Variants in RDM1 observed in about 807,000 individuals in gnomAD.
The protein encoded by RDM1 is RAD52 motif-containing protein 1.
In RDM1, 28 loss-of-function variants were observed where a neutral mutation model predicts 27.7. The ratio of observed to expected loss-of-function variants is 1.01; its 90% confidence interval spans 0.75 to 1.39. The LOEUF (loss-of-function observed/expected upper bound fraction) is 1.39. RDM1 is among the 40% of genes most tolerant of loss of function. The pLI, the probability that RDM1 is intolerant of heterozygous loss-of-function variation, is 0.00. For missense variants in RDM1, 277 were observed against 337.3 expected, an observed-to-expected ratio of 0.82 and a Z score of 1.40; for synonymous variants, 124 against 127.5, an observed-to-expected ratio of 0.97 and a Z score of 0.19.
At chr17:35,928,049 G>A (rs961931558) in intron 2 of RDM1, among the ~76,000 whole-genome samples, 4 of 152,202 alleles carry the variant, frequency 2.6e-5, no homozygotes, top group Non-Finnish European at 5.9e-5. Context: ...AGTGGGAGTA[G>A]TATACCTGGA....
Position 35,922,583 on chromosome 17 carries a change from C to A in RDM1, c.661G>T (p.Val221Phe), listed in dbSNP as rs1329001409. 6.2e-7 allele frequency: 1 copy of A among 1,611,394 alleles called. No individual in the cohort carries two copies. The highest frequency in any genetic ancestry group is 1.1e-5 in the South Asian group (1 of 90,822). ...SDAFQKLLIV[V>F]LESGKIAVEY... The stretch of plus-strand genomic sequence containing the variant: ...ATGATCAAGACAGTCTTACCTAGAA[C>A]AACAATCAACAGTTTCTGGAATGCA... The change falls in exon 5 of 7, where the codon GTT becomes TTT. Residue 221 changes from valine to phenylalanine, a missense_variant. Val to Phe is a conservative substitution (Grantham distance 50). Transcript: ENST00000620284.
At position 35,918,138 on chromosome 17, in the gene RDM1, A is replaced by C; in HGVS notation, c.*204T>G. On this transcript the variant is annotated 3_prime_UTR_variant, in exon 7 of 7. Coordinates refer to ENST00000620284, the MANE Select transcript of RDM1 (RefSeq NM_145654.4). ...AGATCCGCTCCTCGTCACCAGGGCG[A>C]TCTTATCCCACAATCCTACCCAAGC... The C allele has an allele frequency of 3.4e-6, 2 of 594,698 alleles. No individual in the cohort carries two copies. Among genetic ancestry groups the C allele is most frequent in the Admixed American group, 5.9e-5 (2 of 34,116 alleles). The allele number at this position is 594,698 out of a possible 1,614,324, so 36.8% of individuals were successfully genotyped here. A position where few individuals can be genotyped will look rare whatever the true frequency, so the allele number is the denominator to read the frequency against.
At chr17:35,929,487 G>GC (rs1452071985) in intron 2 of RDM1, among the ~76,000 whole-genome samples, 1 of 152,152 alleles carries the variant, frequency 6.6e-6, no homozygotes, top group East Asian at 1.9e-4. Flanking sequence ...TGTCACCCAG[G>GC]CTAGAGTGCA....
chr17:35,925,877 G>C (rs2089130062), intron 2 of RDM1, among the ~76,000 whole-genome samples: 1 of 152,142 alleles, frequency 6.6e-6, no homozygotes, highest in Non-Finnish European at 1.5e-5. Flanking sequence ...GCTCACCCTT[G>C]TAATCCCAGC....
Position 35,924,644 on chromosome 17 carries a change from G to GC in RDM1, c.527dup (p.Ile177HisfsTer10). The GC allele has an allele frequency of 6.2e-7, 1 of 1,614,004 alleles. No individual in the cohort carries two copies. The highest frequency in any genetic ancestry group is 8.5e-7 in the Non-Finnish European group (1 of 1,179,914). ...CCATAGGCTCCTCCACCAAGCCAATGCCAGGACTCCTGCAATCACAGGATG... is the reference window on the plus strand; with the variant it reads ...CCATAGGCTCCTCCACCAAGCCAATGCCCAGGACTCCTGCAATCACAGGATG... On this transcript the variant is annotated frameshift_variant, in exon 4 of 7. Coordinates refer to ENST00000620284, the MANE Select transcript of RDM1 (RefSeq NM_145654.4). LOFTEE classifies it high-confidence loss of function.
intron 1 of RDM1, 109 bp from the exon 2 acceptor site, chr17:35,930,364 A>T (rs1471382162): frequency 1.4e-6 from 2 of 1,389,126 alleles, no homozygotes; most frequent in Non-Finnish European, 2.0e-6. Flanking sequence ...GATTCAAAAC[A>T]CTTCCCACTT....
At chr17:35,920,456 C>CT (rs60990791) in intron 5 of RDM1, among the ~76,000 whole-genome samples, 184 bp from the exon 6 acceptor site, 2,455 of 117,968 alleles carry the variant, frequency 0.021, 41 homozygotes, top group South Asian at 0.05. Context: ...TTCTTTCTTT[C>CT]TTTTTTTTTT....
Position 35,918,457 on chromosome 17 carries a change from G to A in RDM1, c.754-14C>T, listed in dbSNP as rs759222485. The stretch of plus-strand genomic sequence containing the variant: ...AGAGCAAGGGACCTGCAAAATGTGC[G>A]CTAGTTAGGGTGGCAGGCAGAACGC... On this transcript the variant is annotated splice_polypyrimidine_tract_variant and intron_variant, in intron 6 of 6. Transcript: ENST00000620284. The A allele has an allele frequency of 1.4e-5, 22 of 1,603,142 alleles. No individual in the cohort carries two copies. Among genetic ancestry groups the A allele is most frequent in the Admixed American group, 1.7e-5 (1 of 59,964 alleles).
Position 35,925,603 on chromosome 17 carries a change from T to A in RDM1, c.311A>T (p.His104Leu). ...GGAACTGTTCAGGGCAAGGGCTTGA[T>A]GTTGAACTGCCTTATGTCTGGTGCC... Reference protein sequence around the residue: ...RLGTRHKAVQHQALALNSSKC... With the variant: ...RLGTRHKAVQLQALALNSSKC... Residue 104 changes from histidine (H) to leucine (L), a missense_variant, in exon 3 of 7, where the codon CAT becomes CTT. Transcript: ENST00000620284. The A allele has an allele frequency of 6.2e-7, 1 of 1,614,070 alleles. No individual in the cohort carries two copies. Among genetic ancestry groups the A allele is most frequent in the Non-Finnish European group, 8.5e-7 (1 of 1,179,928 alleles).
At chr17:35,921,317 G>A (rs1313940263) in intron 5 of RDM1, among the ~76,000 whole-genome samples, 1 of 152,234 alleles carries the variant, frequency 6.6e-6, no homozygotes, top group Non-Finnish European at 1.5e-5. Context: ...TGTTGCCCAG[G>A]TTGGAAAGCT....
chr17:35,925,463 T>G, intron 3 of RDM1, 52 bp downstream of exon 3: 1 of 1,599,434 alleles, frequency 6.3e-7, no homozygotes, highest in South Asian at 1.1e-5. Context: ...AATCTAGGAT[T>G]TCAATGTTGA....
At chr17:35,929,977 G>GA in intron 2 of RDM1, 99 bp downstream of exon 2, 1 of 1,145,834 alleles carries the variant, frequency 8.7e-7, no homozygotes, top group South Asian at 1.5e-5. Flanking sequence ...CAATGCATCT[G>GA]AAAATATTCT....
intron 3 of RDM1, 93 bp downstream of exon 3, chr17:35,925,422 C>G: frequency 7.1e-7 from 1 of 1,414,876 alleles, no homozygotes; most frequent in Non-Finnish European, 9.7e-7. Context: ...CACATCTCCT[C>G]CCTACAATCC....
Position 35,918,802 on chromosome 17 carries a change from G to A in RDM1, c.754-359C>T, listed in dbSNP as rs146576753. On this transcript the variant is annotated intron_variant, in intron 6 of 6. Coordinates refer to ENST00000620284, the MANE Select transcript of RDM1 (RefSeq NM_145654.4). ...GCTGTTAAATAATTTCCTGAAATGC[G>A]ACTATAACTGGAACCCAGCTGACTT... 3.6e-3 allele frequency among the ~76,000 whole-genome samples: 554 copies of A among 152,256 alleles called. 4 individuals are homozygous for A. The highest frequency in any genetic ancestry group is 0.013 in the African/African-American group (520 of 41,530).
intron 2 of RDM1, among the ~76,000 whole-genome samples, chr17:35,925,903 G>A (rs890456630): frequency 1.3e-5 from 2 of 152,164 alleles, no homozygotes; most frequent in Admixed American, 1.3e-4. Context: ...GGGAGGCTGA[G>A]GCAGGTGGAT....
At chr17:35,921,256 C>T (rs1460051001) in intron 5 of RDM1, among the ~76,000 whole-genome samples, 1 of 152,250 alleles carries the variant, frequency 6.6e-6, no homozygotes, top group Non-Finnish European at 1.5e-5. Context: ...AATGTTGTTA[C>T]TCAGACTTGA....
chr17:35,926,511 C>T (rs1438587333), intron 2 of RDM1, among the ~76,000 whole-genome samples: 3 of 152,232 alleles, frequency 2.0e-5, no homozygotes, highest in East Asian at 1.9e-4. Flanking sequence ...TCACGCCATT[C>T]TCCTGCCTCA....
intron 5 of RDM1, among the ~76,000 whole-genome samples, chr17:35,921,859 G>A (rs1249406658): frequency 6.6e-6 from 1 of 150,912 alleles, no homozygotes; most frequent in Non-Finnish European, 1.5e-5. Flanking sequence ...CTGCAGCTTA[G>A]AGATATTAAG....
chr17:35,920,450 TTCTTTC>T lies in RDM1; in HGVS notation c.668-184_668-179del, dbSNP rs1455226654. ...ACACTTCAGTTTTTTCTTTCTTTCT[TTCTTTC>T]TTTTTTTTTTTTTTTTTAGAAGACA... On this transcript the variant is annotated intron_variant, in intron 5 of 6. Coordinates refer to ENST00000620284, the MANE Select transcript of RDM1 (RefSeq NM_145654.4). Among the ~76,000 whole-genome samples the T allele has an allele frequency of 4.5e-3, 658 of 144,852 alleles. 3 individuals carry two copies. Among genetic ancestry groups the T allele is most frequent in the African/African-American group, 0.017 (619 of 36,862 alleles).
Sources: gnomAD v4.1 joint callset for allele counts (sites outside exome capture counted in the v4.1 genomes callset) on GRCh38, gnomAD v4.1.1 for gene constraint, MANE v1.5 for transcripts, NCBI Gene and HGNC (gene_info 2026-07-23, HGNC 2026-07-21) for gene names.